PRL: variants seen among roughly 807,000 people sequenced by gnomAD.
PRL encodes decidual prolactin.
In PRL, 24 loss-of-function variants were observed where a neutral mutation model predicts 21.3. The ratio of observed to expected loss-of-function variants is 1.13; its 90% confidence interval spans 0.82 to 1.59. The LOEUF is 1.59. Ranked by LOEUF, PRL falls within the 40% of genes most tolerant of loss-of-function variation. The pLI is 0.00. For missense variants in PRL, 243 were observed against 286.9 expected, an observed-to-expected ratio of 0.85 and a Z score of 1.10; for synonymous variants, 118 against 115.7, an observed-to-expected ratio of 1.02 and a Z score of -0.13.
rs1760939764 is a variant in PRL at position 22,287,294 on chromosome 6, A to T, written c.*108T>A. The T allele has an allele frequency of 8.9e-7, 1 of 1,126,454 alleles. No homozygotes were observed. The highest frequency in any genetic ancestry group is 1.6e-5 in the African/African-American group (1 of 63,940). The allele number at this position is 1,126,454 out of a possible 1,614,324, so 69.8% of individuals were successfully genotyped here. A position where few individuals can be genotyped will look rare whatever the true frequency, so the allele number is the denominator to read the frequency against. ...GAGTCAGTTTTTATTTTTTAAGAGG[A>T]GACCTGTTACACCCAAGCATGGATT... On this transcript the variant is annotated 3_prime_UTR_variant, in exon 5 of 5. Transcript: ENST00000306482.
chr6:22,298,980 TTG>T (rs1761232644), upstream of PRL, among the ~76,000 whole-genome samples: 1 of 152,238 alleles, frequency 6.6e-6, no homozygotes, highest in Non-Finnish European at 1.5e-5. Context: ...GTAAAATTTA[TTG>T]TGTGTCTCCT....
upstream of PRL, among the ~76,000 whole-genome samples, chr6:22,297,861 C>T (rs375884385): frequency 2.0e-5 from 3 of 152,124 alleles, no homozygotes; most frequent in African/African-American, 4.8e-5. Flanking sequence ...CAGTCACTTG[C>T]GCACCAGCCT....
rs768767532 is a variant in PRL, at chr6:22,296,961, A to G, written c.22T>C (p.Trp8Arg). The G allele has an allele frequency of 6.2e-7, 1 of 1,614,058 alleles. No individual in the cohort carries two copies. Among genetic ancestry groups the G allele is most frequent in the Non-Finnish European group, 8.5e-7 (1 of 1,179,956 alleles). ...AGTGAGTTGTCACACATACCTTTCC[A>G]TGGCGATCCTTTGATGTTCATGTTC... MNIKGSP[W>R]KGSLLLLLVS... Residue 8 changes from tryptophan (W) to arginine (R), a missense_variant, in exon 1 of 5, where the codon TGG (tryptophan) becomes CGG (arginine). Trp to Arg is a moderately radical substitution (Grantham distance 101). Transcript: ENST00000306482.
chr6:22,290,449 CT>C (rs1761028979), intron 3 of PRL, 96 bp from the exon 4 acceptor site: 8 of 1,022,290 alleles, frequency 7.8e-6, no homozygotes, highest in South Asian at 3.6e-5. Context: ...ACTGAAATAT[CT>C]TTTTTTATTC....
chr6:22,299,227 A>G (rs1177078768), upstream of PRL, among the ~76,000 whole-genome samples: 1 of 152,208 alleles, frequency 6.6e-6, no homozygotes, highest in Non-Finnish European at 1.5e-5. Flanking sequence ...GTACATTTTA[A>G]AACTTTACAA....
chr6:22,291,620 C>A (rs1160931950), intron 3 of PRL, among the ~76,000 whole-genome samples: 2 of 152,034 alleles, frequency 1.3e-5, no homozygotes, highest in South Asian at 2.1e-4. Context: ...TTAGTGATAA[C>A]CTGTAGATCT....
Position 22,288,887 on chromosome 6 carries a change from T to C in PRL, c.492+1287A>G, listed in dbSNP as rs181184167. On this transcript the variant is annotated intron_variant, in intron 4 of 4. Transcript: ENST00000306482. The surrounding 1 kb of genome is among the most constrained non-coding windows in gnomAD (Gnocchi z 4.5). ...GTGTGTGTGTGTATGCGCGTGCGCG[T>C]GTGTGTGCGTGTGTGCGCGCGCGTG... Among the ~76,000 whole-genome samples, 2 of 151,772 alleles carry C rather than the reference T, an allele frequency of 1.3e-5. No homozygotes were observed. The highest frequency in any genetic ancestry group is 2.4e-5 in the African/African-American group (1 of 41,282).
At chr6:22,292,861 T>G (rs1473655057) in intron 2 of PRL, among the ~76,000 whole-genome samples, 1 of 152,232 alleles carries the variant, frequency 6.6e-6, no homozygotes, top group Non-Finnish European at 1.5e-5. Context: ...TTCATAAATA[T>G]CAATGTTTTT....
At position 22,287,350 on chromosome 6, in the gene PRL, A is replaced by G. The variant is rs900745240; in HGVS notation, c.*52T>C. The G allele has an allele frequency of 2.6e-6, 4 of 1,516,096 alleles. No individual in the cohort carries two copies. Among genetic ancestry groups the G allele is most frequent in the Admixed American group, 1.8e-5 (1 of 54,504 alleles). 93.9% of individuals were successfully genotyped at this position (1,516,096 alleles called of 1,614,324 possible). On this transcript the variant is annotated 3_prime_UTR_variant, in exon 5 of 5. Transcript: ENST00000306482. Reference sequence around the variant, plus strand: ...GAGATACAACTAAAAGAAGCTTGCAATGGAACGGATCATTAAGGACCTTCT... The same window carrying G: ...GAGATACAACTAAAAGAAGCTTGCAGTGGAACGGATCATTAAGGACCTTCT...
chr6:22,295,495 C>G (rs1172714850), intron 1 of PRL, among the ~76,000 whole-genome samples: 1 of 152,152 alleles, frequency 6.6e-6, no homozygotes, highest in East Asian at 1.9e-4. Context: ...TAAAGAATAA[C>G]AAGTTCTTTG....
rs368247408 is a variant in PRL at position 22,290,357 on chromosome 6, C to T, written c.313-4G>A. Reference sequence around the variant, plus strand: ...TCAGGCTCAGAAAGTCTTTTTGCTACGAAACCATATAGAACAATTGCATTA... The same window carrying T: ...TCAGGCTCAGAAAGTCTTTTTGCTATGAAACCATATAGAACAATTGCATTA... On this transcript the variant is annotated splice_region_variant and splice_polypyrimidine_tract_variant and intron_variant, in intron 3 of 4. Transcript: ENST00000306482. 4.0e-5 allele frequency: 63 copies of T among 1,579,354 alleles called. No individual in the cohort carries two copies. The East Asian group carries it at 5.2e-4, about 13-fold the overall frequency.
chr6:22,299,874 G>C (rs1761251702), upstream of PRL, among the ~76,000 whole-genome samples: 2 of 152,022 alleles, frequency 1.3e-5, no homozygotes, highest in Non-Finnish European at 2.9e-5. Context: ...CATAACCTAG[G>C]AGGTGTCTAC....
chr6:22,289,400 A>G (rs1000405800), intron 4 of PRL, among the ~76,000 whole-genome samples: 7 of 152,162 alleles, frequency 4.6e-5, no homozygotes, highest in African/African-American at 1.7e-4. Context: ...TTATCTCACT[A>G]ATGTTGAAAT....
rs188641943 is a variant in PRL at position 22,287,356 on chromosome 6, C to T, written c.*46G>A. 273 of 1,534,090 alleles carry T rather than the reference C, an allele frequency of 1.8e-4. No homozygotes were observed. The highest frequency in any genetic ancestry group is 1.3e-3 in the African/African-American group (98 of 73,270). On this transcript the variant is annotated 3_prime_UTR_variant, in exon 5 of 5. Transcript: ENST00000306482. ...CAACTAAAAGAAGCTTGCAATGGAA[C>T]GGATCATTAAGGACCTTCTCAGAAA...
upstream of PRL, among the ~76,000 whole-genome samples, chr6:22,300,975 GT>G (rs1169242898): frequency 6.6e-6 from 1 of 152,188 alleles, no homozygotes; most frequent in African/African-American, 2.4e-5. Context: ...AGGATGACAT[GT>G]CCAGAGTCTC....
Position 22,288,031 on chromosome 6 carries a change from T to C in PRL, c.493-438A>G, listed in dbSNP as rs1290103563. 2.0e-5 allele frequency among the ~76,000 whole-genome samples: 3 copies of C among 152,282 alleles called. No individual in the cohort carries two copies. The East Asian group carries it at 5.8e-4, about 29-fold the overall frequency. On this transcript the variant is annotated intron_variant, in intron 4 of 4. Transcript: ENST00000306482. The surrounding 1 kb of genome is among the most constrained non-coding windows in gnomAD (Gnocchi z 4.5). ...TTCTTCCTGCTTTGAACTCAATCTA[T>C]TGCCTATCTAGTGTATGTTCCAAAA...
At position 22,294,602 on chromosome 6, in the gene PRL, C is replaced by A; in HGVS notation, c.29-18G>T. The A allele has an allele frequency of 6.6e-7, 1 of 1,505,062 alleles. No individual in the cohort carries two copies. Among genetic ancestry groups the A allele is most frequent in the South Asian group, 1.3e-5 (1 of 74,506 alleles). 93.2% of individuals were successfully genotyped at this position (1,505,062 alleles called of 1,614,324 possible). On this transcript the variant is annotated intron_variant, in intron 1 of 4. Coordinates refer to ENST00000306482, the MANE Select transcript of PRL (RefSeq NM_000948.6). Reference sequence around the variant, plus strand: ...GAGGGACCCTGCTTAAATAAGAACGCGAGCCACTCTGAGATGATTTATTCC... The same window carrying A: ...GAGGGACCCTGCTTAAATAAGAACGAGAGCCACTCTGAGATGATTTATTCC...
chr6:22,296,483 C>A (rs1761175839), intron 1 of PRL, among the ~76,000 whole-genome samples: 2 of 152,194 alleles, frequency 1.3e-5, no homozygotes, highest in Non-Finnish European at 2.9e-5. Context: ...ACATTAGAGG[C>A]CTGATAACCA....
intron 3 of PRL, among the ~76,000 whole-genome samples, chr6:22,291,371 C>T (rs904439771): frequency 6.6e-6 from 1 of 152,158 alleles, no homozygotes; most frequent in Non-Finnish European, 1.5e-5. Flanking sequence ...GTGCAAATTC[C>T]ATAACCTTTC....
Sources: allele counts gnomAD v4.1 joint callset (sites outside exome capture counted in the v4.1 genomes callset), GRCh38; gene constraint gnomAD v4.1.1; non-coding constraint Gnocchi (gnomAD v3.1); transcripts MANE v1.5; gene names NCBI Gene and HGNC (gene_info 2026-07-23, HGNC 2026-07-21).